Variants in MSRB3 observed in about 807,000 individuals in gnomAD.
MSRB3 encodes methionine sulfoxide reductase B3, also known as methionine-R-sulfoxide reductase B3.
MSRB3 carries 13 observed loss-of-function variants against 21.0 expected under a neutral mutation model. The observed-to-expected ratio is 0.62, with a 90% confidence interval of 0.40 to 0.98. The LOEUF is 0.98. Ranked by LOEUF, MSRB3 falls within the 50% of genes least tolerant of loss-of-function variation. The pLI is 0.00. For synonymous variants in MSRB3, 87 were observed against 88.6 expected (o/e 0.98, Z 0.10); for missense variants, 199 against 230.3 (o/e 0.86, Z 0.88).
Position 65,463,370 on chromosome 12 carries a change from T to TA in MSRB3, c.*55dup, listed in dbSNP as rs770116611. 8.1e-6 allele frequency: 13 copies of TA among 1,602,066 alleles called. No individual in the cohort carries two copies. Among genetic ancestry groups the TA allele is most frequent in the Middle Eastern group, 3.3e-4 (2 of 6,030 alleles). On this transcript the variant is annotated 3_prime_UTR_variant, in exon 7 of 7. Transcript: ENST00000308259. The stretch of plus-strand genomic sequence containing the variant: ...AAAGTGTACTTAATGCACAGCTTAT[T>TA]AAAAAAATCAAAATTGTTATCTTAA...
At chr12:65,324,324 C>G (rs1268763781) in intron 2 of MSRB3, among the ~76,000 whole-genome samples, 3 of 152,100 alleles carry the variant, frequency 2.0e-5, no homozygotes, top group Non-Finnish European at 2.9e-5. Context: ...ATTCCCCTCC[C>G]AAATAAGACG....
At chr12:65,380,916 G>A (rs1051843291) in intron 5 of MSRB3, among the ~76,000 whole-genome samples, 36 of 152,108 alleles carry the variant, frequency 2.4e-4, no homozygotes, top group Non-Finnish European at 8.8e-5. Context: ...AATGTTTTAT[G>A]CTTTTTTAGT....
At chr12:65,419,820 A>G in intron 5 of MSRB3, 2 of 859,436 alleles carry the variant, frequency 2.3e-6, no homozygotes, top group Non-Finnish European at 3.9e-6. Context: ...ACCCCTAGCC[A>G]TCCCTCCGGC....
chr12:65,351,736 A>T lies in MSRB3; in HGVS notation c.264-17262A>T, dbSNP rs1214042934. Reference sequence around the variant, plus strand: ...AGAAGAAATGGATAAATTCCTCGACACATACACTCTCCCAAGACTAAACCA... The same window carrying T: ...AGAAGAAATGGATAAATTCCTCGACTCATACACTCTCCCAAGACTAAACCA... On this transcript the variant is annotated intron_variant, in intron 4 of 6. Coordinates refer to ENST00000308259, the MANE Select transcript of MSRB3 (RefSeq NM_001031679.3). Among the ~76,000 whole-genome samples the T allele has an allele frequency of 2.6e-5, 4 of 151,338 alleles. No individual in the cohort carries two copies. In the South Asian group the frequency reaches 8.3e-4, roughly 31 times the overall value.
At chr12:65,438,968 T>C (rs898339866) in intron 5 of MSRB3, among the ~76,000 whole-genome samples, 5 of 151,880 alleles carry the variant, frequency 3.3e-5, no homozygotes, top group Admixed American at 3.3e-4. Flanking sequence ...GTATGTCTCT[T>C]GTTAAGTCAA....
rs532078850 is a variant in MSRB3, at chr12:65,292,739, A to G, written c.-52+13874A>G. 1.3e-4 allele frequency among the ~76,000 whole-genome samples: 20 copies of G among 152,242 alleles called. 1 individual carries two copies. The South Asian group carries it at 4.2e-3, about 32-fold the overall frequency. ...AAAGATGAGCAGCAGCCCTGAGGTA[A>G]GAGTGTAGCTCATTGAAGATTGGGA... On this transcript the variant is annotated intron_variant, in intron 1 of 6. Transcript: ENST00000308259.
chr12:65,365,971 T>G lies in MSRB3; in HGVS notation c.264-3027T>G, dbSNP rs527909507. ...ATACCTCCTTTCTCTTGCTCTTTTTTGGGGGAGGGGTGCTTTCATTTCTGC... is the reference window on the plus strand; with the variant it reads ...ATACCTCCTTTCTCTTGCTCTTTTTGGGGGGAGGGGTGCTTTCATTTCTGC... On this transcript the variant is annotated intron_variant, in intron 4 of 6. Coordinates refer to ENST00000308259, the MANE Select transcript of MSRB3 (RefSeq NM_001031679.3). Among the ~76,000 whole-genome samples, 9 of 152,186 alleles carry G rather than the reference T, an allele frequency of 5.9e-5. 1 individual carries two copies. In the East Asian group the frequency reaches 1.7e-3, roughly 29 times the overall value.
At chr12:65,393,474 A>G (rs1879595020) in intron 5 of MSRB3, among the ~76,000 whole-genome samples, 1 of 151,956 alleles carries the variant, frequency 6.6e-6, no homozygotes, top group Admixed American at 6.6e-5. Flanking sequence ...TCTACCAAAA[A>G]TACAAAAAAT....
chr12:65,295,203 A>T (rs1248343104), intron 1 of MSRB3, among the ~76,000 whole-genome samples: 2 of 152,212 alleles, frequency 1.3e-5, no homozygotes, highest in Non-Finnish European at 2.9e-5. Flanking sequence ...GTATCTAAAA[A>T]CATCATTGAG....
intron 2 of MSRB3, 23 bp downstream of exon 2, chr12:65,308,678 A>C (rs768610003): frequency 6.2e-7 from 1 of 1,613,840 alleles, no homozygotes; most frequent in Non-Finnish European, 8.5e-7. Context: ...TGTACTGTAC[A>C]TAGTGAAGGC....
chr12:65,427,554 G>T (rs1024398069), intron 5 of MSRB3, among the ~76,000 whole-genome samples: 1 of 152,152 alleles, frequency 6.6e-6, no homozygotes, highest in African/African-American at 2.4e-5. Flanking sequence ...CTCGCAGTTT[G>T]GTGTGGCACT....
chr12:65,337,980 C>T (rs1311806934), intron 4 of MSRB3, among the ~76,000 whole-genome samples: 2 of 152,082 alleles, frequency 1.3e-5, no homozygotes, highest in Non-Finnish European at 2.9e-5. Flanking sequence ...CTTTTGTAGC[C>T]CCCACCTCTA....
chr12:65,435,697 G>A (rs1197931567), intron 5 of MSRB3, among the ~76,000 whole-genome samples: 1 of 151,840 alleles, frequency 6.6e-6, no homozygotes, highest in African/African-American at 2.4e-5. Context: ...TTCTAGGAAA[G>A]ATTTGATAGA....
At chr12:65,400,141 C>T (rs938469654) in intron 5 of MSRB3, among the ~76,000 whole-genome samples, 1 of 151,826 alleles carries the variant, frequency 6.6e-6, no homozygotes, top group Non-Finnish European at 1.5e-5. Context: ...AGGAGTCCCT[C>T]TTTTTCTATT....
chr12:65,374,872 C>T (rs554568348), intron 5 of MSRB3, among the ~76,000 whole-genome samples: 252 of 152,224 alleles, frequency 1.7e-3, no homozygotes, highest in Non-Finnish European at 3.0e-3. Flanking sequence ...TTTTTTGAGA[C>T]GGAGTCTTGC....
intron 5 of MSRB3, among the ~76,000 whole-genome samples, chr12:65,444,151 C>T (rs1465788462): frequency 1.3e-5 from 2 of 152,074 alleles, no homozygotes; most frequent in East Asian, 3.8e-4. Context: ...AACCATGATA[C>T]ATGGCTTGGA....
chr12:65,419,762 G>T, intron 5 of MSRB3: 1 of 1,049,656 alleles, frequency 9.5e-7, no homozygotes, highest in Non-Finnish European at 1.5e-6. Flanking sequence ...CGGTCTTCAG[G>T]CTTTGCATGG....
At chr12:65,356,255 T>C (rs6581629) in intron 4 of MSRB3, among the ~76,000 whole-genome samples, 91,678 of 151,704 alleles carry the variant, frequency 0.6, 28,610 homozygotes, top group African/African-American at 0.77. Flanking sequence ...TGTTCAGAGA[T>C]AATAGCTGAA....
intron 4 of MSRB3, among the ~76,000 whole-genome samples, chr12:65,334,548 A>T (rs1875638138): frequency 6.6e-6 from 1 of 152,098 alleles, no homozygotes; most frequent in Non-Finnish European, 1.5e-5. Flanking sequence ...ACACACACAC[A>T]TCTCTCAATT....
Sources: allele counts gnomAD v4.1 joint callset (sites outside exome capture counted in the v4.1 genomes callset), GRCh38; gene constraint gnomAD v4.1.1; transcripts MANE v1.5; gene names NCBI Gene and HGNC (gene_info 2026-07-23, HGNC 2026-07-21).